ITPK1: variants seen among roughly 807,000 people sequenced by gnomAD.
ITPK1 encodes inositol 1,3,4-trisphosphate 5/6-kinase.
A neutral mutation model predicts 45.3 loss-of-function variants in ITPK1; 21 were observed. That is an observed-to-expected ratio of 0.46 (90% CI 0.33 to 0.67). ITPK1 has a LOEUF of 0.67. Among genes scored for constraint, ITPK1 ranks in the 30% least tolerant of loss-of-function variants. ITPK1 has a pLI of 0.02. For missense variants in ITPK1, 474 were observed against 573.5 expected (o/e 0.83, Z 1.77); for synonymous variants, 258 against 253.6 (o/e 1.02, Z -0.16).
rs763123467 is a variant in ITPK1 at position 92,940,951 on chromosome 14, C to T, written c.*610G>A. On this transcript the variant is annotated 3_prime_UTR_variant, in exon 11 of 11. Coordinates refer to ENST00000267615, the MANE Select transcript of ITPK1 (RefSeq NM_014216.6). ...TTCCCTTTAGTGAGGGAGCACAGCC[C>T]AGACCCCAGCGCGGAACTCCCCTGA... The T allele has an allele frequency of 4.0e-5, 51 of 1,287,140 alleles. No homozygotes were observed. In the East Asian group the frequency reaches 2.7e-3, roughly 69 times the overall value. The allele number at this position is 1,287,140 out of a possible 1,614,324, so 79.7% of individuals were successfully genotyped here. A position where few individuals can be genotyped will look rare whatever the true frequency, so the allele number is the denominator to read the frequency against.
At chr14:92,955,316 G>A (rs1211115562) in intron 8 of ITPK1, among the ~76,000 whole-genome samples, 3 of 152,204 alleles carry the variant, frequency 2.0e-5, no homozygotes, top group Non-Finnish European at 2.9e-5. Flanking sequence ...GCTGCCTCCC[G>A]CTCTACATGG....
chr14:92,952,113 C>G (rs545162997), intron 8 of ITPK1, 100 bp from the exon 9 acceptor site: 1 of 947,680 alleles, frequency 1.1e-6, no homozygotes, highest in Non-Finnish European at 1.7e-6. Flanking sequence ...AGGCACACAA[C>G]ACGTGGCCCC....
intron 5 of ITPK1, among the ~76,000 whole-genome samples, chr14:92,992,879 T>C (rs1886859045): frequency 6.6e-6 from 1 of 152,192 alleles, no homozygotes. Flanking sequence ...TCATGCCCAC[T>C]TCTAAGAGTA....
chr14:93,048,518 A>G (rs1202939356), intron 3 of ITPK1, among the ~76,000 whole-genome samples: 1 of 152,208 alleles, frequency 6.6e-6, no homozygotes, highest in Non-Finnish European at 1.5e-5. Context: ...CATGCTCGCC[A>G]TGGTAGACCT....
chr14:93,030,204 A>T (rs1220058910), intron 3 of ITPK1, among the ~76,000 whole-genome samples: 1 of 152,236 alleles, frequency 6.6e-6, no homozygotes, highest in Non-Finnish European at 1.5e-5. Flanking sequence ...CAAAAATAAA[A>T]TGAGGTGACA....
rs998568183 is a variant in ITPK1 at position 93,016,271 on chromosome 14, G to T, written c.246+405C>A. On this transcript the variant is annotated intron_variant, in intron 4 of 10. Transcript: ENST00000267615. The surrounding 1 kb of genome is among the most constrained non-coding windows in gnomAD (Gnocchi z 5.0). ...GAGGCAGGGTTCTCCACCAAGGCAG[G>T]ACTCAGTTCAAAGGCCCTCGGGGGT... Among the ~76,000 whole-genome samples, 3 of 152,178 alleles carry T rather than the reference G, an allele frequency of 2.0e-5. No individual in the cohort carries two copies. The highest frequency in any genetic ancestry group is 7.2e-5 in the African/African-American group (3 of 41,450).
At chr14:93,026,379 T>C (rs4905036) in intron 3 of ITPK1, among the ~76,000 whole-genome samples, 8,377 of 152,170 alleles carry the variant, frequency 0.055, 428 homozygotes, top group African/African-American at 0.13. Context: ...ACAAAAGGCT[T>C]CCAACATATA....
intron 2 of ITPK1, among the ~76,000 whole-genome samples, chr14:93,104,296 G>T (rs1388520785): frequency 2.6e-5 from 4 of 152,140 alleles, no homozygotes; most frequent in Non-Finnish European, 5.9e-5. Flanking sequence ...GACTAGCCTG[G>T]CCAACATGGT....
At chr14:92,989,800 G>A (rs1886689291) in intron 5 of ITPK1, among the ~76,000 whole-genome samples, 1 of 152,132 alleles carries the variant, frequency 6.6e-6, no homozygotes, top group Non-Finnish European at 1.5e-5. Flanking sequence ...GGTGTGGGGA[G>A]GGACATGGGT....
intron 3 of ITPK1, among the ~76,000 whole-genome samples, chr14:93,046,044 C>T (rs1223514090): frequency 6.6e-6 from 1 of 152,204 alleles, no homozygotes; most frequent in Non-Finnish European, 1.5e-5. Flanking sequence ...ACCAGGCACA[C>T]ACAGAGTCCT....
At chr14:93,017,159 G>A (rs764471753) in intron 3 of ITPK1, among the ~76,000 whole-genome samples, 2 of 152,200 alleles carry the variant, frequency 1.3e-5, no homozygotes, top group Non-Finnish European at 2.9e-5. Context: ...ACAGAGAAAG[G>A]CTTTTCTCAA....
chr14:93,013,724 C>T (rs1404393904), intron 4 of ITPK1, among the ~76,000 whole-genome samples: 1 of 152,326 alleles, frequency 6.6e-6, no homozygotes, highest in East Asian at 1.9e-4. Context: ...GCATCCCTAT[C>T]CCTCCCAGTC....
chr14:93,112,931 G>T (rs1374598353), intron 2 of ITPK1, among the ~76,000 whole-genome samples: 1 of 152,160 alleles, frequency 6.6e-6, no homozygotes, highest in East Asian at 1.9e-4. Flanking sequence ...ACCTCACGGG[G>T]CTCCCTGGTC....
At chr14:93,011,531 G>C (rs1038082330) in intron 4 of ITPK1, among the ~76,000 whole-genome samples, 1 of 152,216 alleles carries the variant, frequency 6.6e-6, no homozygotes, top group Admixed American at 6.5e-5. Flanking sequence ...CGGGGCAGGA[G>C]CTTCCTTCCC....
intron 2 of ITPK1, among the ~76,000 whole-genome samples, chr14:93,085,253 G>A (rs187995243): frequency 6.6e-6 from 1 of 152,388 alleles, no homozygotes; most frequent in Non-Finnish European, 1.5e-5. Flanking sequence ...GACAGCTCTA[G>A]GGAAGAACCA....
rs1396397014 is a variant in ITPK1 at position 93,089,913 on chromosome 14, A to G, written c.96-13294T>C. Among the ~76,000 whole-genome samples, 4 of 152,158 alleles carry G rather than the reference A, an allele frequency of 2.6e-5. No homozygotes were observed. In the East Asian group the frequency reaches 7.7e-4, roughly 29 times the overall value. ...CAAGAGCCAGGACCCTGGGCATTAG[A>G]GAGAAATGTCAAAAGAAGGATGCAG... On this transcript the variant is annotated intron_variant, in intron 2 of 10. Transcript: ENST00000267615.
At chr14:93,071,454 A>G (rs986560818) in intron 3 of ITPK1, 13 of 152,242 alleles carry the variant, frequency 8.5e-5, no homozygotes, top group African/African-American at 3.1e-4. Context: ...CCCCCACAAA[A>G]TAAATGTTTA....
In ITPK1 at chr14:93,076,606, C is replaced by T; in HGVS notation, c.109G>A (p.Glu37Lys). Residue 37 changes from glutamate (E) to lysine (K), a missense_variant, in exon 3 of 11, where the codon GAG becomes AAG. Around this residue, in one of 2 missense-constraint regions of ITPK1, gnomAD observed 367 missense variants for 480.6 expected, o/e 0.76. Transcript: ENST00000267615. The surrounding 1 kb of genome is among the most constrained non-coding windows in gnomAD (Gnocchi z 4.3). ...FAELCRKRGM[E>K]VVQLNLSRPI... The stretch of plus-strand genomic sequence containing the variant: ...CGGTCTGTACTCACCTGCACAACCT[C>T]CATCCCTCGCTTCCTGTGGAGAAAA... The T allele has an allele frequency of 1.2e-6, 2 of 1,614,194 alleles. No homozygotes were observed. The highest frequency in any genetic ancestry group is 1.3e-5 in the African/African-American group (1 of 75,050).
chr14:93,092,667 G>A (rs954369852), intron 2 of ITPK1, among the ~76,000 whole-genome samples: 1 of 152,250 alleles, frequency 6.6e-6, no homozygotes, highest in Admixed American at 6.5e-5. Context: ...CATCCAGTAG[G>A]TGGAGGCCAG....
Sources: allele counts gnomAD v4.1 joint callset (sites outside exome capture counted in the v4.1 genomes callset), GRCh38; gene constraint gnomAD v4.1.1; regional missense constraint gnomAD v4.1.1; non-coding constraint Gnocchi (gnomAD v3.1); transcripts MANE v1.5; gene names NCBI Gene and HGNC (gene_info 2026-07-23, HGNC 2026-07-21).